NID1: variants seen among roughly 807,000 people sequenced by gnomAD.
The protein encoded by NID1 is nidogen 1.
A neutral mutation model predicts 130.6 loss-of-function variants in NID1; 76 were observed. The ratio of observed to expected loss-of-function variants is 0.58; its 90% CI spans 0.48 to 0.70. The LOEUF is 0.70. NID1 is among the 30% of genes least tolerant of loss of function. The probability of loss-of-function intolerance (pLI) is 0.00; values close to 1 mark genes in which losing one functional copy is unlikely to be tolerated. For synonymous variants in NID1, 665 were observed against 675.1 expected, an observed-to-expected ratio of 0.98 and a Z score of 0.23; for missense variants, 1,517 against 1,664.8, an observed-to-expected ratio of 0.91 and a Z score of 1.54.
chr1:236,021,138 TC>T (rs1212302466), intron 9 of NID1, among the ~76,000 whole-genome samples: 1 of 152,020 alleles, frequency 6.6e-6, no homozygotes, highest in African/African-American at 2.4e-5. Context: ...AGGAGCCCCA[TC>T]CCCGCATGCC....
chr1:236,037,724 T>A (rs952630829), intron 5 of NID1, among the ~76,000 whole-genome samples: 2 of 150,522 alleles, frequency 1.3e-5, no homozygotes, highest in South Asian at 4.2e-4. Flanking sequence ...AAGAAAAAAA[T>A]ACATGAAAGA....
chr1:236,053,576 C>G (rs1205915323), intron 1 of NID1, among the ~76,000 whole-genome samples: 2 of 152,186 alleles, frequency 1.3e-5, no homozygotes, highest in Non-Finnish European at 2.9e-5. Flanking sequence ...CTTCCACTCA[C>G]TCTTTTTTCC....
At chr1:236,010,817 C>A (rs1048132622) in intron 12 of NID1, among the ~76,000 whole-genome samples, 2 of 152,250 alleles carry the variant, frequency 1.3e-5, no homozygotes, top group Non-Finnish European at 2.9e-5. Flanking sequence ...ACGATATATG[C>A]TACTATACAT....
chr1:236,026,415 T>C (rs1359644836), intron 7 of NID1, among the ~76,000 whole-genome samples: 1 of 152,228 alleles, frequency 6.6e-6, no homozygotes, highest in South Asian at 2.1e-4. Context: ...CTGTAAGTTT[T>C]GAAGACGCCC....
Position 235,981,608 on chromosome 1 carries a change from T to TA in NID1, c.3227+2dup. ...ATGCACACACATATTTACACAAAGA[T>TA]ACCCTCTCACGGAATCCGTTACAAT... On this transcript the variant is annotated splice_region_variant and intron_variant, in intron 16 of 19. Transcript: ENST00000264187. 1 of 1,609,836 alleles carries TA rather than the reference T, an allele frequency of 6.2e-7. No individual in the cohort carries two copies. Among genetic ancestry groups the TA allele is most frequent in the East Asian group, 2.2e-5 (1 of 44,796 alleles).
At chr1:236,026,511 G>T (rs1294824601) in intron 7 of NID1, among the ~76,000 whole-genome samples, 1 of 152,118 alleles carries the variant, frequency 6.6e-6, no homozygotes, top group Non-Finnish European at 1.5e-5. Context: ...CTCACAAGCT[G>T]TGTGGCCACT....
rs556488041 is a variant in NID1, at chr1:236,043,574, A to G, written c.753-1282T>C. Among the ~76,000 whole-genome samples, 25 of 152,220 alleles carry G rather than the reference A, an allele frequency of 1.6e-4. No homozygotes were observed. In the East Asian group the frequency reaches 2.9e-3, roughly 18 times the overall value. ...AGCACTTTGGGGGGCTGAGGAGGGCAGATCATGAGGTCAGGAGATCGAGAC... is the reference window on the plus strand; with the variant it reads ...AGCACTTTGGGGGGCTGAGGAGGGCGGATCATGAGGTCAGGAGATCGAGAC... On this transcript the variant is annotated intron_variant, in intron 3 of 19. Coordinates refer to ENST00000264187, the MANE Select transcript of NID1 (RefSeq NM_002508.3).
chr1:236,036,277 C>A (rs1488422602), intron 5 of NID1, among the ~76,000 whole-genome samples: 1 of 152,168 alleles, frequency 6.6e-6, no homozygotes, highest in Non-Finnish European at 1.5e-5. Context: ...TTAATAACAT[C>A]CCCTAAAATT....
chr1:236,044,054 T>C (rs1015411139), intron 3 of NID1, among the ~76,000 whole-genome samples: 1 of 152,174 alleles, frequency 6.6e-6, no homozygotes, highest in Non-Finnish European at 1.5e-5. Flanking sequence ...AATTATATTA[T>C]ACGGTGGACA....
At chr1:236,024,689 G>T (rs1207118635) in intron 8 of NID1, among the ~76,000 whole-genome samples, 1 of 152,094 alleles carries the variant, frequency 6.6e-6, no homozygotes, top group African/African-American at 2.4e-5. Context: ...AAGAATCAAA[G>T]ACAACCGAAA....
At chr1:236,034,557 G>A (rs969604023) in intron 5 of NID1, among the ~76,000 whole-genome samples, 2 of 152,096 alleles carry the variant, frequency 1.3e-5, no homozygotes, top group Admixed American at 6.6e-5. Flanking sequence ...TGTATTGTAC[G>A]ATTCTATGTG....
chr1:236,027,189 C>T (rs1365541211), intron 7 of NID1, among the ~76,000 whole-genome samples: 1 of 152,038 alleles, frequency 6.6e-6, no homozygotes, highest in East Asian at 1.9e-4. Context: ...AGAGACAGTC[C>T]TCCCCACTCA....
In NID1 at chr1:235,980,668, A is replaced by AG; in HGVS notation, c.3228-16dup. On this transcript the variant is annotated splice_polypyrimidine_tract_variant and intron_variant, in intron 16 of 19. Transcript: ENST00000264187. ...AGTAAAGGTTCCTGGAGGAGGAAAA[A>AG]GGGGGGAAAGAGGAAAAGAAATAAT... 1.2e-6 allele frequency: 2 copies of AG among 1,608,774 alleles called. No homozygotes were observed. The highest frequency in any genetic ancestry group is 1.7e-6 in the Non-Finnish European group (2 of 1,177,284).
chr1:236,060,711 T>C (rs1660014660), intron 1 of NID1: 1 of 151,954 alleles, frequency 6.6e-6, no homozygotes, highest in African/African-American at 2.4e-5. Context: ...TCTGAACTTA[T>C]TAGCATTAGT....
chr1:236,059,629 C>T (rs1317230008), intron 1 of NID1, among the ~76,000 whole-genome samples: 2 of 152,116 alleles, frequency 1.3e-5, no homozygotes, highest in Non-Finnish European at 2.9e-5. Flanking sequence ...GAAGAAATGA[C>T]TCTGGCATGA....
At chr1:235,984,985 A>G (rs1194615550) in intron 15 of NID1, among the ~76,000 whole-genome samples, 3 of 152,006 alleles carry the variant, frequency 2.0e-5, no homozygotes, top group Non-Finnish European at 4.4e-5. Flanking sequence ...GTCAGGAGAT[A>G]GAGACCATTC....
intron 9 of NID1, 143 bp downstream of exon 9, chr1:236,023,927 T>A: frequency 9.2e-7 from 1 of 1,083,322 alleles, no homozygotes; most frequent in African/African-American, 1.6e-5. Context: ...ATGTGAAGCA[T>A]AAATAATTCA....
At chr1:236,008,657 C>T (rs970053125) in intron 12 of NID1, among the ~76,000 whole-genome samples, 38 of 151,104 alleles carry the variant, frequency 2.5e-4, no homozygotes, top group South Asian at 1.0e-3. Context: ...TGCACCACCA[C>T]GCCCAGCTAA....
chr1:235,988,031 A>G (rs1210106302), intron 14 of NID1, among the ~76,000 whole-genome samples: 1 of 152,234 alleles, frequency 6.6e-6, no homozygotes, highest in Non-Finnish European at 1.5e-5. Flanking sequence ...CAAAAGAAAA[A>G]AAAAGGTAAA....
Sources: allele counts gnomAD v4.1 joint callset (sites outside exome capture counted in the v4.1 genomes callset), GRCh38; gene constraint gnomAD v4.1.1; transcripts MANE v1.5; gene names NCBI Gene and HGNC (gene_info 2026-07-23, HGNC 2026-07-21).